The following SNX4 variants were observed in gnomAD, a reference collection of about 807,000 sequenced individuals.
SNX4 encodes sorting nexin-4.
In SNX4, 49 loss-of-function variants were observed where a neutral mutation model predicts 70.8. The observed-to-expected ratio is 0.69, with a 90% confidence interval of 0.55 to 0.88. The LOEUF (loss-of-function observed/expected upper bound fraction) is 0.88. Among genes scored for constraint, SNX4 ranks in the 40% least tolerant of loss-of-function variants. SNX4 has a pLI of 0.00. For synonymous variants in SNX4, 206 were observed against 183.8 expected (o/e 1.12, Z -0.98); for missense variants, 528 against 544.8 (o/e 0.97, Z 0.31).
At chr3:125,487,288 T>C (rs1934552285) in intron 6 of SNX4, among the ~76,000 whole-genome samples, 1 of 152,190 alleles carries the variant, frequency 6.6e-6, no homozygotes, top group Admixed American at 6.5e-5. Flanking sequence ...ACAGCAATTA[T>C]ACACTTTAGC....
chr3:125,488,084 G>T (rs931430024), intron 6 of SNX4, among the ~76,000 whole-genome samples: 1 of 146,230 alleles, frequency 6.8e-6, no homozygotes, highest in Admixed American at 7.1e-5. Context: ...GGTGTGGAGA[G>T]AAGGTATTTG....
intron 6 of SNX4, among the ~76,000 whole-genome samples, chr3:125,487,530 C>T (rs543088677): frequency 1.4e-4 from 21 of 152,036 alleles, no homozygotes; most frequent in East Asian, 3.9e-4. Context: ...CAATCAAAAA[C>T]GATTCTCTAA....
In SNX4 at chr3:125,453,840, T is replaced by A; in HGVS notation, c.1160A>T (p.Gln387Leu). Reference protein sequence around the residue: ...VLEEQINEGEQQLKSKNLEGR... With the variant: ...VLEEQINEGELQLKSKNLEGR... ...TTCCAGATTTTTAGACTTTAGCTGTTGTTCTCCTTCATTTATTTGTTCTTC... is the reference window on the plus strand; with the variant it reads ...TTCCAGATTTTTAGACTTTAGCTGTAGTTCTCCTTCATTTATTTGTTCTTC... The change falls in exon 12 of 14, where the codon CAA becomes CTA. Residue 387 changes from glutamine (Q) to leucine (L), a missense_variant. By Grantham distance (113) the Gln-to-Leu change is moderately radical. Transcript: ENST00000251775. The A allele has an allele frequency of 6.2e-7, 1 of 1,614,080 alleles. No individual in the cohort carries two copies. The highest frequency in any genetic ancestry group is 8.5e-7 in the Non-Finnish European group (1 of 1,179,966).
intron 8 of SNX4, among the ~76,000 whole-genome samples, chr3:125,471,975 A>G (rs558249694): frequency 6.6e-6 from 1 of 152,284 alleles, no homozygotes; most frequent in Non-Finnish European, 1.5e-5. Flanking sequence ...AATAAAACAA[A>G]CATAACATCA....
At chr3:125,452,527 A>G (rs1222526079) in intron 12 of SNX4, among the ~76,000 whole-genome samples, 3 of 152,148 alleles carry the variant, frequency 2.0e-5, no homozygotes, top group African/African-American at 7.2e-5. Context: ...GGTGGCAGCG[A>G]GCAACAATGG....
In SNX4 at chr3:125,518,767, C is replaced by A. The variant is rs377615887; in HGVS notation, c.141+1265G>T. Reference sequence around the variant, plus strand: ...CCTGTAATCCCAGCACCTTGGGAGGCCGAGGAGGGTGGATCACTAGAAGTC... The same window carrying A: ...CCTGTAATCCCAGCACCTTGGGAGGACGAGGAGGGTGGATCACTAGAAGTC... On this transcript the variant is annotated intron_variant, in intron 1 of 13. Transcript: ENST00000251775. Among the ~76,000 whole-genome samples the A allele has an allele frequency of 1.4e-4, 22 of 151,912 alleles. 1 individual carries two copies. In the South Asian group the frequency reaches 2.7e-3, roughly 19 times the overall value.
chr3:125,458,347 T>C (rs1252228920), intron 10 of SNX4, among the ~76,000 whole-genome samples: 3 of 151,974 alleles, frequency 2.0e-5, no homozygotes, highest in Non-Finnish European at 4.4e-5. Flanking sequence ...AATTTGTGCT[T>C]TGTAGAGATG....
chr3:125,493,406 C>G (rs901096620), intron 5 of SNX4, among the ~76,000 whole-genome samples: 1 of 152,132 alleles, frequency 6.6e-6, no homozygotes, highest in Non-Finnish European at 1.5e-5. Context: ...GTAATCCCAG[C>G]ACTTTGGGAG....
At chr3:125,504,332 CAA>C (rs759738129) in intron 2 of SNX4, among the ~76,000 whole-genome samples, 19 of 60,170 alleles carry the variant, frequency 3.2e-4, no homozygotes, top group Admixed American at 5.9e-4. Flanking sequence ...GACTCCATCT[CAA>C]AAAAAAAAAA....
At chr3:125,493,992 G>A (rs1934724000) in intron 5 of SNX4, among the ~76,000 whole-genome samples, 4 of 148,350 alleles carry the variant, frequency 2.7e-5, no homozygotes, top group East Asian at 2.0e-4. Flanking sequence ...AGCAGAGATT[G>A]CACCACTGCA....
intron 5 of SNX4, among the ~76,000 whole-genome samples, chr3:125,489,821 C>T (rs1934611369): frequency 6.6e-6 from 1 of 152,168 alleles, no homozygotes; most frequent in Non-Finnish European, 1.5e-5. Flanking sequence ...TATATATAAA[C>T]TAAATGCAAC....
At chr3:125,487,602 G>A (rs1431019277) in intron 6 of SNX4, among the ~76,000 whole-genome samples, 1 of 151,944 alleles carries the variant, frequency 6.6e-6, no homozygotes, top group East Asian at 1.9e-4. Flanking sequence ...CTTTTTTTGA[G>A]GGTGACTTAT....
At chr3:125,470,569 T>C (rs1047278036) in intron 8 of SNX4, among the ~76,000 whole-genome samples, 1 of 151,016 alleles carries the variant, frequency 6.6e-6, no homozygotes, top group Non-Finnish European at 1.5e-5. Context: ...CCCTCACCTC[T>C]TGGATCTAGA....
chr3:125,511,288 G>C (rs4679400), intron 1 of SNX4, among the ~76,000 whole-genome samples: 49,310 of 149,720 alleles, frequency 0.33, 8,232 homozygotes, highest in Admixed American at 0.44. Flanking sequence ...TATCTAATTT[G>C]GGGTTTAACC....
intron 1 of SNX4, 150 bp downstream of exon 1, chr3:125,519,882 C>G (rs1299310607): frequency 1.5e-6 from 1 of 680,308 alleles, no homozygotes; most frequent in African/African-American, 1.9e-5. Flanking sequence ...CACCTGCGGA[C>G]CCCGCCTTTC....
rs762309860 is a variant in SNX4 at position 125,460,795 on chromosome 3, T to C, written c.920A>G (p.Tyr307Cys). The C allele has an allele frequency of 1.3e-6, 2 of 1,557,842 alleles. No homozygotes were observed. Among genetic ancestry groups the C allele is most frequent in the Non-Finnish European group, 1.7e-6 (2 of 1,149,568 alleles). Reference protein sequence around the residue: ...EEHYADQLKEYLFYAEALRAV... With the variant: ...EEHYADQLKECLFYAEALRAV... ...CCGCAATGCTTCTGCATAAAAAAGA[T>C]ACTCTTTTAACTGATCTGCATAATG... Residue 307 changes from tyrosine (Y) to cysteine (C), a missense_variant, in exon 10 of 14, where the codon TAT becomes TGT. Around this residue, in one of 3 missense-constraint regions of SNX4, gnomAD observed 159 missense variants for 172.6 expected, o/e 0.92. Transcript: ENST00000251775.
chr3:125,477,736 T>C (rs1256301445), intron 7 of SNX4, among the ~76,000 whole-genome samples: 1 of 152,210 alleles, frequency 6.6e-6, no homozygotes, highest in African/African-American at 2.4e-5. Context: ...CCATCTATTG[T>C]TGGCCTGCTC....
Position 125,451,343 on chromosome 3 carries a change from T to C in SNX4, c.1267A>G (p.Ile423Val). The change falls in exon 13 of 14, where the codon ATA (isoleucine) becomes GTA (valine). Residue 423 changes from isoleucine to valine, a missense_variant. Ile to Val is a conservative substitution (Grantham distance 29). Transcript: ENST00000251775. The part of the protein sequence containing the change: ...QKNRDLKEAL[I>V]SYAVMQISMC... ...CTGATCTGCATGACTGCATAGCTTA[T>C]GAGGGCCTCCTTTAAGTCTCGGTTC... is the stretch of plus-strand genomic sequence containing the variant. The C allele has an allele frequency of 6.2e-7, 1 of 1,613,938 alleles. No individual in the cohort carries two copies. Among genetic ancestry groups the C allele is most frequent in the Non-Finnish European group, 8.5e-7 (1 of 1,179,870 alleles).
rs1354050421 is a variant in SNX4 at position 125,498,203 on chromosome 3, G to T, written c.264-9C>A. 2 of 1,609,758 alleles carry T rather than the reference G, an allele frequency of 1.2e-6. No homozygotes were observed. Reference sequence around the variant, plus strand: ...CGGTATGTTCAACTGACCTGAAAAGGAACAGAACAACACTTGTTATTTTTT... The same window carrying T: ...CGGTATGTTCAACTGACCTGAAAAGTAACAGAACAACACTTGTTATTTTTT... On this transcript the variant is annotated splice_polypyrimidine_tract_variant and intron_variant, in intron 2 of 13. Coordinates refer to ENST00000251775, the MANE Select transcript of SNX4 (RefSeq NM_003794.4).
Sources: allele counts gnomAD v4.1 joint callset (sites outside exome capture counted in the v4.1 genomes callset), GRCh38; gene constraint gnomAD v4.1.1; regional missense constraint gnomAD v4.1.1; transcripts MANE v1.5; gene names NCBI Gene and HGNC (gene_info 2026-07-23, HGNC 2026-07-21).